NRG3: variants seen among roughly 807,000 people sequenced by gnomAD.
NRG3 encodes the protein pro-neuregulin-3, membrane-bound isoform.
NRG3 carries 31 observed loss-of-function variants against 66.9 expected under a neutral mutation model. That is an observed-to-expected ratio of 0.46 (90% CI 0.35 to 0.63). The LOEUF is 0.63. Ranked by LOEUF, NRG3 falls within the 20% of genes least tolerant of loss-of-function variation. NRG3 has a pLI of 0.00. For missense variants in NRG3, 910 were observed against 878.9 expected, an observed-to-expected ratio of 1.04 and a Z score of -0.45; for synonymous variants, 393 against 359.4, an observed-to-expected ratio of 1.09 and a Z score of -1.06.
At chr10:82,133,696 A>C (rs1482022357) in intron 1 of NRG3, among the ~76,000 whole-genome samples, 1 of 152,006 alleles carries the variant, frequency 6.6e-6, no homozygotes, top group South Asian at 2.1e-4. Flanking sequence ...TGTCTTTGCT[A>C]TTGTGAATAG....
chr10:82,759,510 T>C (rs1428988738), intron 3 of NRG3, among the ~76,000 whole-genome samples: 3 of 152,180 alleles, frequency 2.0e-5, no homozygotes, highest in Non-Finnish European at 2.9e-5. Flanking sequence ...ACCAAAAGTA[T>C]GTCATGAGGA....
intron 1 of NRG3, among the ~76,000 whole-genome samples, chr10:82,312,437 A>G (rs1349583725): frequency 6.6e-6 from 1 of 152,210 alleles, no homozygotes; most frequent in Non-Finnish European, 1.5e-5. Context: ...ATCAAGCAGG[A>G]GATAAAGATT....
chr10:82,899,282 C>T (rs1591877053), intron 4 of NRG3, among the ~76,000 whole-genome samples: 2 of 152,070 alleles, frequency 1.3e-5, no homozygotes, highest in Admixed American at 1.3e-4. Context: ...TGTTCTAGGC[C>T]TCTATTTACT....
chr10:82,803,219 G>A (rs2061125900), intron 3 of NRG3, among the ~76,000 whole-genome samples: 1 of 152,172 alleles, frequency 6.6e-6, no homozygotes, highest in Admixed American at 6.5e-5. Context: ...GACCATTCAA[G>A]GGATTCGGTT....
intron 1 of NRG3, among the ~76,000 whole-genome samples, chr10:81,965,917 A>T (rs370257457): frequency 1.3e-5 from 2 of 152,078 alleles, no homozygotes; most frequent in South Asian, 4.1e-4. Context: ...TGTATTCAGG[A>T]CAGTATTGAA....
At chr10:81,878,246 A>G (rs909514019) in intron 1 of NRG3, among the ~76,000 whole-genome samples, 1 of 152,246 alleles carries the variant, frequency 6.6e-6, no homozygotes, top group African/African-American at 2.4e-5. Context: ...ACATAGACAT[A>G]TAAGCAGTAT....
At chr10:82,804,027 C>T (rs1263628415) in intron 3 of NRG3, among the ~76,000 whole-genome samples, 1 of 152,156 alleles carries the variant, frequency 6.6e-6, no homozygotes, top group Non-Finnish European at 1.5e-5. Context: ...CCGCGCCATC[C>T]GTGCTCCCAG....
chr10:82,089,892 TCTAGGCTCCTGCCCCAGTGAGGTCC>T (rs2133499456), intron 1 of NRG3, among the ~76,000 whole-genome samples: 1 of 152,312 alleles, frequency 6.6e-6, no homozygotes, highest in East Asian at 1.9e-4. Context: ...GGTCTAGCCT[TCTAGGCTCCTGCCCCAGTGAGGTCC>T]CTCCTCAGTT....
At chr10:81,986,749 T>C (rs986841796) in intron 1 of NRG3, among the ~76,000 whole-genome samples, 1 of 152,180 alleles carries the variant, frequency 6.6e-6, no homozygotes, top group Non-Finnish European at 1.5e-5. Flanking sequence ...GAGAGCACAG[T>C]GGCATGATCA....
At chr10:82,842,670 C>T (rs2063117933) in intron 3 of NRG3, among the ~76,000 whole-genome samples, 1 of 152,158 alleles carries the variant, frequency 6.6e-6, no homozygotes, top group African/African-American at 2.4e-5. Flanking sequence ...TGTTCCAAGG[C>T]CACAGAGAAC....
intron 1 of NRG3, among the ~76,000 whole-genome samples, chr10:82,013,610 A>G (rs953886770): frequency 3.3e-5 from 5 of 152,164 alleles, no homozygotes; most frequent in African/African-American, 1.2e-4. Flanking sequence ...TCAGAAATTC[A>G]ACGTCGTATG....
At chr10:82,729,581 G>C in intron 2 of NRG3, among the ~76,000 whole-genome samples, 1 of 152,140 alleles carries the variant, frequency 6.6e-6, no homozygotes, top group Middle Eastern at 3.2e-3. Flanking sequence ...AGGTATTTTA[G>C]TTTTGTTAAT....
chr10:81,949,019 T>C (rs1849095713), intron 1 of NRG3, among the ~76,000 whole-genome samples: 1 of 152,124 alleles, frequency 6.6e-6, no homozygotes, highest in South Asian at 2.1e-4. Context: ...ACTTTACTTT[T>C]CTGGCAAAAA....
chr10:82,147,373 G>A (rs1590294404), intron 1 of NRG3, among the ~76,000 whole-genome samples: 3 of 152,228 alleles, frequency 2.0e-5, no homozygotes, highest in African/African-American at 7.2e-5. Context: ...CTGAACAAAT[G>A]GTAAACAAGG....
chr10:82,844,432 A>C (rs916822571), intron 3 of NRG3, among the ~76,000 whole-genome samples: 3 of 152,218 alleles, frequency 2.0e-5, no homozygotes, highest in Non-Finnish European at 4.4e-5. Flanking sequence ...CACTGATGCA[A>C]TTTAAAATCT....
intron 3 of NRG3, among the ~76,000 whole-genome samples, chr10:82,858,158 C>G (rs1436582255): frequency 6.6e-6 from 1 of 152,162 alleles, no homozygotes; most frequent in African/African-American, 2.4e-5. Context: ...GCTCTGGAAG[C>G]CTTTGTTGAA....
chr10:82,028,876 C>A (rs1479037894), intron 1 of NRG3, among the ~76,000 whole-genome samples: 1 of 152,050 alleles, frequency 6.6e-6, no homozygotes, highest in East Asian at 1.9e-4. Flanking sequence ...TGCTGAGAAT[C>A]AGCACGGTTT....
intron 1 of NRG3, among the ~76,000 whole-genome samples, chr10:82,137,891 T>C (rs530321487): frequency 6.6e-6 from 1 of 152,292 alleles, no homozygotes; most frequent in East Asian, 1.9e-4. Flanking sequence ...TAACATGCCC[T>C]TAGTGCTTTT....
chr10:81,986,832 T>A, intron 1 of NRG3, among the ~76,000 whole-genome samples: 1 of 151,992 alleles, frequency 6.6e-6, no homozygotes, highest in East Asian at 1.9e-4. Context: ...ATGCCACCAT[T>A]CCCAGCTAAT....
Sources: allele counts gnomAD v4.1 joint callset (sites outside exome capture counted in the v4.1 genomes callset), GRCh38; gene constraint gnomAD v4.1.1; transcripts MANE v1.5; gene names NCBI Gene and HGNC (gene_info 2026-07-23, HGNC 2026-07-21).